The following LARGE1 variants were observed in gnomAD, a reference collection of about 807,000 sequenced individuals.
LARGE1 encodes the protein xylosyl- and glucuronyltransferase LARGE1.
Under a neutral mutation model 87.6 loss-of-function variants are expected in LARGE1, and 43 were observed. That is an observed-to-expected ratio of 0.49 (90% CI 0.38 to 0.63). The LOEUF is 0.63. LARGE1 is among the 30% of genes least tolerant of loss of function. The pLI is 0.00. For synonymous variants in LARGE1, 434 were observed against 394.6 expected, an observed-to-expected ratio of 1.10 and a Z score of -1.18; for missense variants, 802 against 1,000.2, an observed-to-expected ratio of 0.80 and a Z score of 2.67.
intron 4 of LARGE1, among the ~76,000 whole-genome samples, chr22:33,609,651 A>G (rs962470183): frequency 6.6e-6 from 1 of 152,096 alleles, no homozygotes; most frequent in African/African-American, 2.4e-5. Context: ...ACCCAGCTAT[A>G]CTGAGGGCTG....
At chr22:33,252,307 T>C (rs1323401308) in intron 11 of LARGE1, among the ~76,000 whole-genome samples, 3 of 146,874 alleles carry the variant, frequency 2.0e-5, no homozygotes, top group Non-Finnish European at 4.5e-5. Flanking sequence ...CCCTCCTTTT[T>C]TCCTTGTTGG....
chr22:33,813,125 G>A (rs184514578), intron 1 of LARGE1, among the ~76,000 whole-genome samples: 3 of 152,140 alleles, frequency 2.0e-5, no homozygotes, highest in East Asian at 1.9e-4. Flanking sequence ...GGAGGTCAAG[G>A]CAGGTGGATC....
At chr22:33,513,308 C>A (rs747070550) in intron 6 of LARGE1, among the ~76,000 whole-genome samples, 69 of 152,292 alleles carry the variant, frequency 4.5e-4, no homozygotes, top group Non-Finnish European at 8.4e-4. Flanking sequence ...TAAGGGTAAT[C>A]GAGACTAATT....
rs373087763 is a variant in LARGE1 at position 33,633,967 on chromosome 22, C to T, written c.409-7641G>A. On this transcript the variant is annotated intron_variant, in intron 3 of 14. Coordinates refer to ENST00000397394, the MANE Select transcript of LARGE1 (RefSeq NM_133642.5). ...GCTCGAAGCTAAGTGGCCGCGTGAT[C>T]TTGGAAGAGTTATTTAGTGTCCCTG... Among the ~76,000 whole-genome samples, 198 of 152,316 alleles carry T rather than the reference C, an allele frequency of 1.3e-3. 1 individual carries two copies. Among genetic ancestry groups the T allele is most frequent in the African/African-American group, 4.5e-3 (187 of 41,572 alleles).
intron 1 of LARGE1, among the ~76,000 whole-genome samples, chr22:33,863,586 G>T (rs1226566338): frequency 6.8e-6 from 1 of 148,148 alleles, no homozygotes; most frequent in Non-Finnish European, 1.5e-5. Flanking sequence ...TGAAACCCCC[G>T]TCTCTACCAA....
At chr22:33,842,376 C>T (rs1271015867) in intron 1 of LARGE1, among the ~76,000 whole-genome samples, 2 of 152,032 alleles carry the variant, frequency 1.3e-5, no homozygotes, top group South Asian at 2.1e-4. Flanking sequence ...AAACTAGTAG[C>T]TCTGCTGGCT....
chr22:33,126,028 G>A, the LARGE1 span, among the ~76,000 whole-genome samples: 4,010 of 152,278 alleles, frequency 0.026, 153 homozygotes, highest in African/African-American at 0.091. Context: ...GATTACAGGC[G>A]TGAGCCACAG....
chr22:33,141,629 A>G, the LARGE1 span, among the ~76,000 whole-genome samples: 1 of 152,212 alleles, frequency 6.6e-6, no homozygotes, highest in East Asian at 1.9e-4. Flanking sequence ...AATGCTCCCA[A>G]TACAATATGA....
At chr22:33,198,601 AC>A (rs11330883) in intron 11 of LARGE1, among the ~76,000 whole-genome samples, 84,681 of 148,402 alleles carry the variant, frequency 0.57, 24,349 homozygotes, top group Middle Eastern at 0.62. Context: ...CCTCCCTCCC[AC>A]CCTCCAAACT....
chr22:33,664,337 A>T (rs2081209531), intron 2 of LARGE1, among the ~76,000 whole-genome samples: 1 of 152,150 alleles, frequency 6.6e-6, no homozygotes, highest in Non-Finnish European at 1.5e-5. Context: ...CACAGGCCAA[A>T]AATCTAGGAC....
At chr22:33,323,129 AACC>A (rs1936914120) in intron 10 of LARGE1, among the ~76,000 whole-genome samples, 1 of 151,900 alleles carries the variant, frequency 6.6e-6, no homozygotes, top group Admixed American at 6.6e-5. Context: ...CTCAAAAAAC[AACC>A]ACCACCATCA....
intron 6 of LARGE1, among the ~76,000 whole-genome samples, chr22:33,555,425 G>A (rs542555808): frequency 4.3e-4 from 66 of 152,206 alleles, no homozygotes; most frequent in African/African-American, 1.5e-3. Context: ...ATATGAAAGA[G>A]CAGTAGAGAA....
chr22:33,660,090 GTTTTTTTTT>G (rs35643369), intron 2 of LARGE1, among the ~76,000 whole-genome samples: 1 of 125,442 alleles, frequency 8.0e-6, no homozygotes, highest in African/African-American at 2.9e-5. Flanking sequence ...GTGTGTGTGT[GTTTTTTTTT>G]TTTTTTTTTG....
intron 1 of LARGE1, among the ~76,000 whole-genome samples, chr22:33,915,989 G>C (rs1278426560): frequency 6.6e-6 from 1 of 152,060 alleles, no homozygotes; most frequent in African/African-American, 2.4e-5. Flanking sequence ...GGTAATAATA[G>C]TTGAATGTCT....
In LARGE1 at chr22:33,424,119, T is replaced by G. The variant is rs544343827; in HGVS notation, c.892+8042A>C. ...ATCGGAATCAAGTAGGGAGCATGTT[T>G]AAAAGAACAGTCACCCAGCCTCATC... On this transcript the variant is annotated intron_variant, in intron 7 of 14. Coordinates refer to ENST00000397394, the MANE Select transcript of LARGE1 (RefSeq NM_133642.5). 2.0e-5 allele frequency among the ~76,000 whole-genome samples: 3 copies of G among 152,326 alleles called. No homozygotes were observed. In the South Asian group the frequency reaches 6.2e-4, roughly 32 times the overall value.
At chr22:33,108,820 G>A in the LARGE1 span, among the ~76,000 whole-genome samples, 30 of 152,186 alleles carry the variant, frequency 2.0e-4, no homozygotes, top group African/African-American at 6.7e-4. Context: ...AAAAGCCCCT[G>A]AGGTGTCTAC....
intron 5 of LARGE1, among the ~76,000 whole-genome samples, chr22:33,571,292 C>T (rs2078196305): frequency 6.6e-6 from 1 of 152,050 alleles, no homozygotes; most frequent in African/African-American, 2.4e-5. Context: ...AAGAAGCTGC[C>T]AATTACCAGG....
At chr22:33,474,017 T>C (rs1354031261) in intron 6 of LARGE1, among the ~76,000 whole-genome samples, 1 of 152,212 alleles carries the variant, frequency 6.6e-6, no homozygotes, top group Admixed American at 6.5e-5. Context: ...AGGAGGTTGG[T>C]CTGCCTTCTG....
chr22:33,566,049 C>T (rs1479909735), intron 5 of LARGE1, among the ~76,000 whole-genome samples: 8 of 151,424 alleles, frequency 5.3e-5, no homozygotes, highest in African/African-American at 1.9e-4. Context: ...AACATGGCCA[C>T]CTTCTCAGGA....
Sources: gnomAD v4.1 joint callset for allele counts (sites outside exome capture counted in the v4.1 genomes callset) on GRCh38, gnomAD v4.1.1 for gene constraint, MANE v1.5 for transcripts, NCBI Gene and HGNC (gene_info 2026-07-23, HGNC 2026-07-21) for gene names.